The following ZMAT4 variants were observed in gnomAD, a reference collection of about 807,000 sequenced individuals.
ZMAT4 encodes the protein zinc finger matrin-type protein 4.
ZMAT4 carries 17 observed loss-of-function variants against 28.7 expected under a neutral mutation model. The ratio of observed to expected loss-of-function variants is 0.59; its 90% confidence interval spans 0.41 to 0.89. The LOEUF is 0.89. ZMAT4 is among the 40% of genes least tolerant of loss of function. The pLI, the probability that ZMAT4 is intolerant of heterozygous loss-of-function variation, is 0.00. For synonymous variants in ZMAT4, 117 were observed against 109.2 expected (o/e 1.07, Z -0.44); for missense variants, 240 against 283.8 (o/e 0.85, Z 1.11).
intron 5 of ZMAT4, among the ~76,000 whole-genome samples, chr8:40,601,403 A>G (rs1370324818): frequency 9.9e-5 from 6 of 60,578 alleles, no homozygotes; most frequent in African/African-American, 5.6e-4. Context: ...GAAGGAGGAA[A>G]GAAAGGAAGG....
At chr8:40,672,607 T>A (rs1236719225) in intron 5 of ZMAT4, among the ~76,000 whole-genome samples, 1 of 152,168 alleles carries the variant, frequency 6.6e-6, no homozygotes, top group Non-Finnish European at 1.5e-5. Context: ...GATGTAGTTG[T>A]ACATAAAAGA....
chr8:40,576,356 G>A (rs74969667), intron 6 of ZMAT4, among the ~76,000 whole-genome samples: 1,589 of 151,812 alleles, frequency 0.01, 20 homozygotes, highest in African/African-American at 0.037. Context: ...GGTCCTCCCT[G>A]AGGCATATTA....
chr8:40,684,221 G>A (rs771606344), intron 4 of ZMAT4, among the ~76,000 whole-genome samples: 14 of 152,190 alleles, frequency 9.2e-5, no homozygotes, highest in Non-Finnish European at 1.9e-4. Context: ...TTAAGACTGT[G>A]GTAAAATTTC....
intron 1 of ZMAT4, among the ~76,000 whole-genome samples, chr8:40,855,680 T>G (rs1222984142): frequency 1.4e-5 from 1 of 69,416 alleles, no homozygotes; most frequent in East Asian, 1.0e-3. Flanking sequence ...TCACCAAAAC[T>G]TTTTTTTTTT....
intron 1 of ZMAT4, among the ~76,000 whole-genome samples, chr8:40,847,074 A>G (rs2011782): frequency 0.56 from 85,267 of 151,792 alleles, 24,763 homozygotes; most frequent in African/African-American, 0.69. Flanking sequence ...GTATGGTGGC[A>G]TGTGCCTGTA....
At chr8:40,809,068 C>A (rs1449094783) in intron 2 of ZMAT4, among the ~76,000 whole-genome samples, 1 of 152,086 alleles carries the variant, frequency 6.6e-6, no homozygotes, top group Non-Finnish European at 1.5e-5. Flanking sequence ...ACCTAAGTAC[C>A]CATCAATGGT....
chr8:40,649,129 C>G (rs1297973986), intron 5 of ZMAT4, among the ~76,000 whole-genome samples: 1 of 102,618 alleles, frequency 9.7e-6, no homozygotes, highest in East Asian at 3.8e-4. Flanking sequence ...CACAGACTGG[C>G]AAATTGGATA....
At chr8:40,610,735 A>G (rs958547162) in intron 5 of ZMAT4, among the ~76,000 whole-genome samples, 3 of 151,680 alleles carry the variant, frequency 2.0e-5, no homozygotes, top group Admixed American at 6.6e-5. Flanking sequence ...TGAGACTGTA[A>G]AAAAAAAGAG....
At chr8:40,702,808 A>G in intron 3 of ZMAT4, among the ~76,000 whole-genome samples, 1 of 152,168 alleles carries the variant, frequency 6.6e-6, no homozygotes, top group East Asian at 1.9e-4. Flanking sequence ...ATGTGAAGCA[A>G]TCACTACTAC....
intron 1 of ZMAT4, among the ~76,000 whole-genome samples, chr8:40,850,688 C>T (rs1290632524): frequency 1.3e-5 from 2 of 152,166 alleles, no homozygotes; most frequent in East Asian, 3.9e-4. Context: ...TAGTTTCTCA[C>T]ACTCGTGCAT....
intron 4 of ZMAT4, among the ~76,000 whole-genome samples, chr8:40,683,972 A>T (rs1339786192): frequency 6.6e-6 from 1 of 151,876 alleles, no homozygotes; most frequent in Non-Finnish European, 1.5e-5. Context: ...AGGGGCTTAG[A>T]TGGGAGGATT....
At chr8:40,700,482 A>AT (rs1231211945) in intron 3 of ZMAT4, among the ~76,000 whole-genome samples, 4 of 128,712 alleles carry the variant, frequency 3.1e-5, no homozygotes, top group Admixed American at 1.0e-4. Context: ...CAGTGGTGCT[A>AT]TCGTAGCTCA....
chr8:40,799,787 G>A (rs542779492), intron 2 of ZMAT4, among the ~76,000 whole-genome samples: 1 of 152,216 alleles, frequency 6.6e-6, no homozygotes, highest in African/African-American at 2.4e-5. Flanking sequence ...ATAAAACAAG[G>A]TAAAGGAGAA....
chr8:40,585,687 G>A (rs77526747), intron 5 of ZMAT4, among the ~76,000 whole-genome samples: 1 of 152,130 alleles, frequency 6.6e-6, no homozygotes, highest in Non-Finnish European at 1.5e-5. Context: ...CAAACCCAGA[G>A]GCTATAACTT....
At chr8:40,568,526 C>T (rs1404458199) in intron 6 of ZMAT4, among the ~76,000 whole-genome samples, 1 of 152,112 alleles carries the variant, frequency 6.6e-6, no homozygotes, top group Non-Finnish European at 1.5e-5. Context: ...AAATTCTGGG[C>T]ATTTTCATAA....
chr8:40,893,885 T>C (rs1425044216), intron 1 of ZMAT4, among the ~76,000 whole-genome samples: 1 of 152,194 alleles, frequency 6.6e-6, no homozygotes, highest in Non-Finnish European at 1.5e-5. Context: ...ACTCAATGCT[T>C]AGCTCCCACT....
intron 3 of ZMAT4, among the ~76,000 whole-genome samples, chr8:40,740,163 A>G (rs970418154): frequency 1.3e-5 from 2 of 152,192 alleles, no homozygotes; most frequent in African/African-American, 4.8e-5. Flanking sequence ...TACACCCAGT[A>G]ATGGCATTGC....
chr8:40,832,212 G>C (rs1008292671), intron 1 of ZMAT4, among the ~76,000 whole-genome samples: 5 of 152,168 alleles, frequency 3.3e-5, no homozygotes, highest in African/African-American at 1.2e-4. Context: ...ATTCAGTGCA[G>C]AATTAATATG....
At chr8:40,736,143 C>T (rs1027447158) in intron 3 of ZMAT4, among the ~76,000 whole-genome samples, 2 of 152,168 alleles carry the variant, frequency 1.3e-5, no homozygotes, top group Non-Finnish European at 2.9e-5. Context: ...TCTGACCAAC[C>T]TCACCTTATC....
Sources: gnomAD v4.1 joint callset for allele counts (sites outside exome capture counted in the v4.1 genomes callset) on GRCh38, gnomAD v4.1.1 for gene constraint, MANE v1.5 for transcripts, NCBI Gene and HGNC (gene_info 2026-07-23, HGNC 2026-07-21) for gene names.